The following ATE1 variants were observed in gnomAD, a reference collection of about 807,000 sequenced individuals.
The protein encoded by ATE1 is arginyltransferase 1.
ATE1 carries 36 observed loss-of-function variants against 70.5 expected under a neutral mutation model. The observed-to-expected ratio is 0.51, with a 90% CI of 0.39 to 0.67. ATE1 has a LOEUF of 0.67. Ranked by LOEUF, ATE1 falls within the 30% of genes least tolerant of loss-of-function variation. ATE1 has a pLI of 0.00. For synonymous variants in ATE1, 232 were observed against 219.3 expected (o/e 1.06, Z -0.51); for missense variants, 593 against 629.5 (o/e 0.94, Z 0.62).
intron 3 of ATE1, among the ~76,000 whole-genome samples, chr10:121,920,782 C>G (rs984416262): frequency 2.6e-5 from 4 of 152,098 alleles, no homozygotes; most frequent in African/African-American, 7.2e-5. Flanking sequence ...ATCATGAGGT[C>G]AGGAGTTCAA....
chr10:121,819,643 C>T (rs1352349076), intron 10 of ATE1, among the ~76,000 whole-genome samples: 2 of 115,126 alleles, frequency 1.7e-5, no homozygotes, highest in African/African-American at 3.4e-5. Flanking sequence ...GGAGACAGAG[C>T]TTGCAGTGAG....
At chr10:121,749,255 T>G (rs1944488478) in intron 11 of ATE1, among the ~76,000 whole-genome samples, 1 of 152,210 alleles carries the variant, frequency 6.6e-6, no homozygotes, top group Non-Finnish European at 1.5e-5. Context: ...ATTCTGTAGT[T>G]ACATTAATTC....
chr10:121,858,340 G>A lies in ATE1; in HGVS notation c.975+11666C>T, dbSNP rs1213456266. Among the ~76,000 whole-genome samples the A allele has an allele frequency of 2.0e-5, 3 of 151,570 alleles. No homozygotes were observed. The East Asian group carries it at 5.8e-4, about 29-fold the overall frequency. On this transcript the variant is annotated intron_variant, in intron 8 of 11. Coordinates refer to ENST00000224652, the MANE Select transcript of ATE1 (RefSeq NM_001001976.3). ...CTCTACAACCATGCCAACAGTTACCGTTTTCCATTTTTTTTTTATAATAAC... is the reference window on the plus strand; with the variant it reads ...CTCTACAACCATGCCAACAGTTACCATTTTCCATTTTTTTTTTATAATAAC...
intron 7 of ATE1, among the ~76,000 whole-genome samples, chr10:121,888,912 A>T (rs1950494054): frequency 6.6e-6 from 1 of 152,240 alleles, no homozygotes; most frequent in African/African-American, 2.4e-5. Flanking sequence ...ATTAAGTATA[A>T]AACAGGCACA....
intron 7 of ATE1, among the ~76,000 whole-genome samples, chr10:121,875,015 C>CGGGCGCCT (rs369007088): frequency 1.4e-5 from 2 of 146,350 alleles, no homozygotes; most frequent in African/African-American, 2.5e-5. Flanking sequence ...TAGCCGGGCA[C>CGGGCGCCT]GTAGTCCCAG....
At chr10:121,830,086 T>C (rs1948177428) in intron 10 of ATE1, among the ~76,000 whole-genome samples, 4 of 152,246 alleles carry the variant, frequency 2.6e-5, no homozygotes, top group African/African-American at 9.6e-5. Flanking sequence ...ATTTTCTGAC[T>C]GAAAAGATCT....
intron 8 of ATE1, among the ~76,000 whole-genome samples, chr10:121,850,732 G>A (rs1051022937): frequency 1.3e-5 from 2 of 152,162 alleles, no homozygotes; most frequent in Non-Finnish European, 2.9e-5. Context: ...ATGTGGATTT[G>A]AGCCCTAACT....
intron 7 of ATE1, among the ~76,000 whole-genome samples, chr10:121,891,701 T>A (rs1032245299): frequency 1.3e-5 from 2 of 152,210 alleles, no homozygotes; most frequent in Non-Finnish European, 2.9e-5. Context: ...AAAAATAACC[T>A]ATTTTTCAGA....
At chr10:121,772,471 A>T (rs1467187833) in intron 11 of ATE1, among the ~76,000 whole-genome samples, 1 of 152,246 alleles carries the variant, frequency 6.6e-6, no homozygotes, top group Non-Finnish European at 1.5e-5. Context: ...AACTCTTGTT[A>T]ATTAACCACA....
chr10:121,852,706 G>A (rs1949100754), intron 8 of ATE1, among the ~76,000 whole-genome samples: 1 of 152,086 alleles, frequency 6.6e-6, no homozygotes, highest in South Asian at 2.1e-4. Context: ...GCAAGACTCT[G>A]TCTCAAAAAA....
At chr10:121,782,103 A>G (rs1017317409) in intron 11 of ATE1, among the ~76,000 whole-genome samples, 4 of 152,242 alleles carry the variant, frequency 2.6e-5, no homozygotes, top group African/African-American at 9.6e-5. Context: ...AAAAATGCAG[A>G]GACTCCATTC....
intron 3 of ATE1, among the ~76,000 whole-genome samples, chr10:121,917,437 T>C (rs775207705): frequency 6.6e-6 from 1 of 152,118 alleles, no homozygotes; most frequent in Non-Finnish European, 1.5e-5. Context: ...GTAATCACAG[T>C]ACCCGCCATG....
chr10:121,838,314 AACTCCACCTGCCTCCTTCTCACCAGCTC>A (rs1227364325), intron 9 of ATE1, among the ~76,000 whole-genome samples: 1 of 151,304 alleles, frequency 6.6e-6, no homozygotes, highest in East Asian at 1.9e-4. Flanking sequence ...CCTTCTCACC[AACTCCACCTGCCTCCTTCTCACCAGCTC>A]ACTCCACCTG....
chr10:121,911,816 G>T (rs74500832), intron 4 of ATE1, among the ~76,000 whole-genome samples: 1 of 150,710 alleles, frequency 6.6e-6, no homozygotes, highest in Non-Finnish European at 1.5e-5. Flanking sequence ...GCGCGACCTC[G>T]GCTCACTGCA....
intron 8 of ATE1, among the ~76,000 whole-genome samples, chr10:121,842,403 A>C (rs1429475836): frequency 1.3e-5 from 2 of 152,176 alleles, no homozygotes; most frequent in Non-Finnish European, 2.9e-5. Context: ...AACAAATATA[A>C]TACTACTTGT....
intron 8 of ATE1, among the ~76,000 whole-genome samples, chr10:121,857,219 T>C (rs575228919): frequency 1.3e-5 from 2 of 152,286 alleles, no homozygotes; most frequent in East Asian, 3.9e-4. Context: ...AACACCCAGG[T>C]AGTTAAGCCT....
chr10:121,745,315 G>A (rs750230497), intron 11 of ATE1, among the ~76,000 whole-genome samples: 5 of 151,866 alleles, frequency 3.3e-5, no homozygotes, highest in Non-Finnish European at 5.9e-5. Context: ...AACCACCTGA[G>A]ATTTTGAAAA....
intron 11 of ATE1, among the ~76,000 whole-genome samples, chr10:121,745,538 A>C (rs1485731144): frequency 6.6e-6 from 1 of 152,116 alleles, no homozygotes. Context: ...AACACGGTGA[A>C]ACCCCGTCTC....
At chr10:121,811,622 T>C (rs1033545850) in intron 10 of ATE1, among the ~76,000 whole-genome samples, 3 of 152,160 alleles carry the variant, frequency 2.0e-5, no homozygotes, top group African/African-American at 7.2e-5. Context: ...CCTTTCCCCA[T>C]GCTCGGAAAA....
Sources: allele counts gnomAD v4.1 joint callset (sites outside exome capture counted in the v4.1 genomes callset), GRCh38; gene constraint gnomAD v4.1.1; transcripts MANE v1.5; gene names NCBI Gene and HGNC (gene_info 2026-07-23, HGNC 2026-07-21).